DGKB: variants seen among roughly 807,000 people sequenced by gnomAD.
DGKB encodes 90 kDa diacylglycerol kinase.
Under a neutral mutation model 114.3 loss-of-function variants are expected in DGKB, and 67 were observed. The observed-to-expected ratio is 0.59, with a 90% CI of 0.48 to 0.72. The LOEUF (loss-of-function observed/expected upper bound fraction) is 0.72, where lower values mean the gene tolerates loss of function less well. DGKB is among the 30% of genes least tolerant of loss of function. The pLI, the probability that DGKB is intolerant of heterozygous loss-of-function variation, is 0.00. For synonymous variants in DGKB, 398 were observed against 323.1 expected (o/e 1.23, Z -2.49); for missense variants, 907 against 975.2 (o/e 0.93, Z 0.93).
chr7:14,591,335 G>T (rs1801673822), intron 17 of DGKB, among the ~76,000 whole-genome samples: 1 of 152,076 alleles, frequency 6.6e-6, no homozygotes, highest in Admixed American at 6.6e-5. Context: ...ATGAAATCAT[G>T]CTTGGGTCCT....
intron 1 of DGKB, among the ~76,000 whole-genome samples, chr7:14,879,004 A>G (rs1296848837): frequency 2.6e-5 from 4 of 151,830 alleles, no homozygotes; most frequent in Admixed American, 6.5e-5. Context: ...ATAAATTGTT[A>G]TATTTTGGTG....
chr7:14,250,207 A>C (rs1795029579), intron 23 of DGKB, among the ~76,000 whole-genome samples: 1 of 151,104 alleles, frequency 6.6e-6, no homozygotes, highest in South Asian at 2.1e-4. Context: ...GGGCTCAAGC[A>C]ATCTGCCTGC....
At chr7:14,546,672 G>A (rs1050158157) in intron 20 of DGKB, among the ~76,000 whole-genome samples, 1 of 152,110 alleles carries the variant, frequency 6.6e-6, no homozygotes, top group African/African-American at 2.4e-5. Context: ...ATCCAAAAGT[G>A]GAAAGAGAAA....
chr7:14,810,193 C>G lies in DGKB; in HGVS notation c.70+31001G>C, dbSNP rs537823449. Among the ~76,000 whole-genome samples, 37 of 152,288 alleles carry G rather than the reference C, an allele frequency of 2.4e-4. 3 individuals carry two copies. In the South Asian group the frequency reaches 7.2e-3, roughly 30 times the overall value. On this transcript the variant is annotated intron_variant, in intron 2 of 25. Transcript: ENST00000402815. ...ATCCTTAAAGACTAGGCTCAGAGGTCAATGACACAAGCACCCATGGTGCCA... is the reference window on the plus strand; with the variant it reads ...ATCCTTAAAGACTAGGCTCAGAGGTGAATGACACAAGCACCCATGGTGCCA...
intron 23 of DGKB, among the ~76,000 whole-genome samples, chr7:14,285,243 G>A (rs543890928): frequency 1.3e-5 from 2 of 152,126 alleles, no homozygotes; most frequent in East Asian, 3.9e-4. Context: ...CTGCCATTAG[G>A]TGGGTGCTAC....
intron 13 of DGKB, among the ~76,000 whole-genome samples, chr7:14,637,534 G>C (rs550767486): frequency 1.3e-5 from 2 of 150,036 alleles, no homozygotes; most frequent in Non-Finnish European, 3.0e-5. Context: ...ATATATGTGT[G>C]TATATATATA....
chr7:14,580,666 C>A (rs930382247), intron 19 of DGKB, among the ~76,000 whole-genome samples, 196 bp downstream of exon 19: 1 of 152,174 alleles, frequency 6.6e-6, no homozygotes, highest in African/African-American at 2.4e-5. Context: ...CACATTAAAA[C>A]CCAATACCCA....
intron 23 of DGKB, among the ~76,000 whole-genome samples, chr7:14,280,245 G>C (rs936783349): frequency 6.6e-6 from 1 of 152,130 alleles, no homozygotes; most frequent in Non-Finnish European, 1.5e-5. Context: ...CGATCAACTG[G>C]AAGAAAGGGT....
chr7:14,173,854 T>C (rs1781358056), intron 25 of DGKB, among the ~76,000 whole-genome samples: 1 of 152,172 alleles, frequency 6.6e-6, no homozygotes, highest in Admixed American at 6.5e-5. Flanking sequence ...CAATAAATGT[T>C]TTAAATGAAT....
chr7:14,930,825 T>A (rs1331282098), intron 1 of DGKB, among the ~76,000 whole-genome samples: 2 of 152,166 alleles, frequency 1.3e-5, no homozygotes, highest in South Asian at 4.2e-4. Flanking sequence ...CTGTTCAGTA[T>A]GATGTTGGTT....
intron 20 of DGKB, among the ~76,000 whole-genome samples, chr7:14,489,342 G>C (rs1037880187): frequency 6.6e-6 from 1 of 152,092 alleles, no homozygotes; most frequent in African/African-American, 2.4e-5. Flanking sequence ...TCATTTCACA[G>C]TAAATTAGAT....
intron 17 of DGKB, among the ~76,000 whole-genome samples, chr7:14,584,669 T>A (rs973475866): frequency 2.0e-5 from 3 of 152,048 alleles, no homozygotes; most frequent in Non-Finnish European, 2.9e-5. Context: ...ATTTTTATTT[T>A]TTTTTTGAGA....
At chr7:14,243,145 A>AGGAAAAGAAAAAAAAAT (rs1793935770) in intron 23 of DGKB, among the ~76,000 whole-genome samples, 1 of 152,286 alleles carries the variant, frequency 6.6e-6, no homozygotes, top group African/African-American at 2.4e-5. Context: ...AAAGAGAGGT[A>AGGAAAAGAAAAAAAAAT]GGAAAAGAAA....
intron 21 of DGKB, among the ~76,000 whole-genome samples, chr7:14,424,717 AT>A (rs1226233180): frequency 6.6e-6 from 1 of 152,072 alleles, no homozygotes; most frequent in African/African-American, 2.4e-5. Flanking sequence ...GCATAATCCC[AT>A]TTATGCTTCA....
intron 21 of DGKB, among the ~76,000 whole-genome samples, chr7:14,363,733 G>A (rs1269057076): frequency 1.3e-5 from 2 of 152,014 alleles, no homozygotes; most frequent in African/African-American, 4.8e-5. Context: ...ATCTTTTTGA[G>A]CAATTATTTG....
At chr7:14,488,848 A>AAACC (rs1554469761) in intron 20 of DGKB, among the ~76,000 whole-genome samples, 2 of 146,504 alleles carry the variant, frequency 1.4e-5, no homozygotes, top group African/African-American at 2.6e-5. Flanking sequence ...AAAACAAAAA[A>AAACC]AAACAAAAAA....
chr7:14,233,780 G>A (rs974131317), intron 23 of DGKB, among the ~76,000 whole-genome samples: 4 of 151,810 alleles, frequency 2.6e-5, no homozygotes, highest in African/African-American at 9.7e-5. Context: ...GTGTGTGGGG[G>A]GTGCAACCAC....
intron 2 of DGKB, among the ~76,000 whole-genome samples, chr7:14,830,277 A>G (rs1846232916): frequency 6.6e-6 from 1 of 152,080 alleles, no homozygotes; most frequent in Non-Finnish European, 1.5e-5. Flanking sequence ...TCTCTGTTCC[A>G]TGGATGCTGT....
In DGKB at chr7:14,413,813, T is replaced by C. The variant is rs142544144; in HGVS notation, c.1835+64348A>G. Among the ~76,000 whole-genome samples, 669 of 152,078 alleles carry C rather than the reference T, an allele frequency of 4.4e-3. 6 individuals are homozygous for C. Among genetic ancestry groups the C allele is most frequent in the African/African-American group, 0.016 (650 of 41,474 alleles). On this transcript the variant is annotated intron_variant, in intron 21 of 25. Coordinates refer to ENST00000402815, the MANE Select transcript of DGKB (RefSeq NM_001350709.2). ...AGACTTGAGCTGTGAAAATAGAAAA[T>C]ATGAAAAACATCTTCAGTATTTTGG... is the stretch of plus-strand genomic sequence containing the variant.
Sources: gnomAD v4.1 joint callset for allele counts (sites outside exome capture counted in the v4.1 genomes callset) on GRCh38, gnomAD v4.1.1 for gene constraint, MANE v1.5 for transcripts, NCBI Gene and HGNC (gene_info 2026-07-23, HGNC 2026-07-21) for gene names.